Variants in FBXO38 observed in about 807,000 individuals in gnomAD.
The protein encoded by FBXO38 is F-box protein 38.
A neutral mutation model predicts 131.9 loss-of-function variants in FBXO38; 53 were observed. The ratio of observed to expected loss-of-function variants is 0.40; its 90% CI spans 0.32 to 0.51. FBXO38 has a LOEUF of 0.51. Among genes scored for constraint, FBXO38 ranks in the 20% least tolerant of loss-of-function variants. The pLI, the probability that FBXO38 is intolerant of heterozygous loss-of-function variation, is 0.53. For missense variants in FBXO38, 1,076 were observed against 1,475.6 expected, an observed-to-expected ratio of 0.73 and a Z score of 4.44; for synonymous variants, 452 against 505.6, an observed-to-expected ratio of 0.89 and a Z score of 1.42.
chr5:148,441,161 C>T lies in FBXO38; in HGVS notation c.3312C>T (p.Asp1104=), dbSNP rs2113671150. 2 of 1,614,048 alleles carry T rather than the reference C, an allele frequency of 1.2e-6. No individual in the cohort carries two copies. Among genetic ancestry groups the T allele is most frequent in the Non-Finnish European group, 1.7e-6 (2 of 1,179,952 alleles). ...GAGCTCCATATTCCATGATTTCTGA[C>T]TTCCCTTGGCTGAGGTCATTACGAG... ...VDGAPYSMIS[D]FPWLRSLRAA... The change falls in exon 21 of 22, where the codon GAC becomes GAT. Residue 1104 remains aspartate (D), a synonymous_variant. Transcript: ENST00000340253.
intron 11 of FBXO38, 50 bp from the exon 12 acceptor site, chr5:148,416,944 A>T (rs778566381): frequency 1.9e-6 from 2 of 1,079,838 alleles, no homozygotes; most frequent in Non-Finnish European, 2.9e-6. Context: ...AAATGAAGGG[A>T]TATATACTAA....
chr5:148,387,014 G>A (rs1031326436), intron 1 of FBXO38, among the ~76,000 whole-genome samples: 2 of 152,068 alleles, frequency 1.3e-5, no homozygotes, highest in Non-Finnish European at 2.9e-5. Context: ...TCAGGGTGGT[G>A]GTTGCAGAAC....
intron 1 of FBXO38, among the ~76,000 whole-genome samples, chr5:148,386,183 G>T (rs1187391464): frequency 6.6e-6 from 1 of 152,162 alleles, no homozygotes; most frequent in Non-Finnish European, 1.5e-5. Context: ...GTCAGATGCA[G>T]TTCTATCAGA....
intron 18 of FBXO38, among the ~76,000 whole-genome samples, 173 bp from the exon 19 acceptor site, chr5:148,439,474 A>T (rs1281227748): frequency 1.3e-5 from 2 of 152,220 alleles, no homozygotes; most frequent in African/African-American, 4.8e-5. Context: ...AGAATTTGCA[A>T]AATTATTCCC....
At chr5:148,422,659 A>G (rs750840530) in intron 12 of FBXO38, among the ~76,000 whole-genome samples, 1 of 152,242 alleles carries the variant, frequency 6.6e-6, no homozygotes, top group African/African-American at 2.4e-5. Context: ...AATGAATGCA[A>G]TGAAAGAAAT....
At chr5:148,433,323 G>A in intron 15 of FBXO38, 101 bp from the exon 16 acceptor site, 1 of 769,614 alleles carries the variant, frequency 1.3e-6, no homozygotes, top group Non-Finnish European at 2.2e-6. Context: ...TTGTAGATTT[G>A]GGAATTACCT....
intron 7 of FBXO38, 143 bp downstream of exon 7, chr5:148,406,537 A>G (rs1463420355): frequency 1.6e-6 from 1 of 636,136 alleles, no homozygotes; most frequent in Non-Finnish European, 2.6e-6. Flanking sequence ...GATGGACAGT[A>G]AGTAACCATG....
chr5:148,420,871 C>T (rs549227482), intron 12 of FBXO38, among the ~76,000 whole-genome samples: 7 of 151,968 alleles, frequency 4.6e-5, no homozygotes, highest in Admixed American at 2.0e-4. Context: ...GTTGCCCAGG[C>T]GGTCTCAACT....
intron 20 of FBXO38, 56 bp from the exon 21 acceptor site, chr5:148,441,068 A>C: frequency 8.7e-7 from 1 of 1,146,530 alleles, no homozygotes; most frequent in Non-Finnish European, 1.3e-6. Flanking sequence ...AATACTGCAG[A>C]ATTTGGCTCT....
chr5:148,395,472 G>GT lies in FBXO38; in HGVS notation c.128+581dup, dbSNP rs5742007. ...TTACCCAAACCGCATTATAACAACT[G>GT]TTTTTTTTTTTTTAAAGGGAAAGCT... On this transcript the variant is annotated intron_variant, in intron 2 of 21. Transcript: ENST00000340253. Among the ~76,000 whole-genome samples, 440 of 147,100 alleles carry GT rather than the reference G, an allele frequency of 3.0e-3. 5 individuals are homozygous for GT. The highest frequency in any genetic ancestry group is 0.011 in the East Asian group (57 of 5,070).
At chr5:148,435,510 G>A (rs888757590) in intron 17 of FBXO38, among the ~76,000 whole-genome samples, 6 of 152,122 alleles carry the variant, frequency 3.9e-5, no homozygotes, top group South Asian at 2.1e-4. Flanking sequence ...AGTGCTTTAC[G>A]CCTGTAATCC....
chr5:148,394,196 C>T (rs1758357655), intron 1 of FBXO38, among the ~76,000 whole-genome samples: 1 of 152,072 alleles, frequency 6.6e-6, no homozygotes, highest in Non-Finnish European at 1.5e-5. Flanking sequence ...TAATCTCTGA[C>T]TTTATAGGTG....
chr5:148,439,549 A>C, intron 18 of FBXO38, 98 bp from the exon 19 acceptor site: 1 of 1,140,238 alleles, frequency 8.8e-7, no homozygotes, highest in Non-Finnish European at 1.2e-6. Context: ...CAGAGATTTC[A>C]AAACTGAAGG....
At chr5:148,386,143 A>G (rs1561506681) in intron 1 of FBXO38, among the ~76,000 whole-genome samples, 1 of 152,176 alleles carries the variant, frequency 6.6e-6, no homozygotes, top group South Asian at 2.1e-4. Context: ...TAAATGGACC[A>G]TAAATCCTAA....
chr5:148,441,371 C>T, intron 21 of FBXO38, 134 bp downstream of exon 21: 1 of 655,442 alleles, frequency 1.5e-6, no homozygotes, highest in Non-Finnish European at 2.6e-6. Context: ...TGTATTTACT[C>T]ACTTCAAAAC....
In FBXO38 at chr5:148,394,825, A is replaced by G; in HGVS notation, c.49A>G (p.Ile17Val). 2 of 1,604,770 alleles carry G rather than the reference A, an allele frequency of 1.2e-6. No individual in the cohort carries two copies. The highest frequency in any genetic ancestry group is 8.5e-7 in the Non-Finnish European group (1 of 1,175,860). Residue 17 changes from isoleucine (I) to valine (V), a missense_variant, in exon 2 of 22, where the codon ATT becomes GTT. Coordinates refer to ENST00000340253, the MANE Select transcript of FBXO38 (RefSeq NM_205836.3). ...GAAAACATGTATCATGAATAATGAA[A>G]TTCCAGAAGAAATGACAGCAGATGA... is the stretch of plus-strand genomic sequence containing the variant. ...SVKTCIMNNE[I>V]PEEMTADETK...
chr5:148,397,168 G>C (rs893944241), intron 2 of FBXO38, among the ~76,000 whole-genome samples: 2 of 152,070 alleles, frequency 1.3e-5, no homozygotes, highest in African/African-American at 4.8e-5. Flanking sequence ...TAACTACATA[G>C]CATGTCTTCA....
chr5:148,397,427 C>T (rs957806986), intron 2 of FBXO38, among the ~76,000 whole-genome samples: 2 of 151,970 alleles, frequency 1.3e-5, no homozygotes, highest in African/African-American at 4.8e-5. Context: ...CATTGGATAA[C>T]AATATTTAGG....
intron 7 of FBXO38, among the ~76,000 whole-genome samples, chr5:148,407,567 A>G (rs1322403820): frequency 6.6e-6 from 1 of 152,208 alleles, no homozygotes; most frequent in African/African-American, 2.4e-5. Flanking sequence ...GAAAATATTG[A>G]TAAATTGTAC....
Sources: allele counts gnomAD v4.1 joint callset (sites outside exome capture counted in the v4.1 genomes callset), GRCh38; gene constraint gnomAD v4.1.1; transcripts MANE v1.5; gene names NCBI Gene and HGNC (gene_info 2026-07-23, HGNC 2026-07-21).